The following NAT1 variants were observed in gnomAD, a reference collection of about 807,000 sequenced individuals.
The protein encoded by NAT1 is N-acetyltransferase 1.
For synonymous variants in NAT1, 144 were observed against 122.6 expected (o/e 1.17, Z -1.16); for missense variants, 400 against 339.2 (o/e 1.18, Z -1.41).
chr8:18,186,509 A>T (rs989854176), intron 2 of NAT1, among the ~76,000 whole-genome samples: 1 of 152,050 alleles, frequency 6.6e-6, no homozygotes, highest in Non-Finnish European at 1.5e-5. Flanking sequence ...AGTAGCATAT[A>T]GTTGTTTTTG....
chr8:18,189,474 A>G lies in NAT1; in HGVS notation n.92+18735A>G, dbSNP rs1802892111. Among the ~76,000 whole-genome samples the G allele has an allele frequency of 3.9e-5, 6 of 152,210 alleles. No individual in the cohort carries two copies. In the South Asian group the frequency reaches 1.2e-3, roughly 32 times the overall value. On this transcript the variant is annotated intron_variant and non_coding_transcript_variant, in intron 2 of 4. Transcript: ENST00000517441. ...TTTGAAAAAGCACGTGTAATAATATAATAAAAACGGTCACACAACATAGAG... is the reference window on the plus strand; with the variant it reads ...TTTGAAAAAGCACGTGTAATAATATGATAAAAACGGTCACACAACATAGAG...
intron 2 of NAT1, among the ~76,000 whole-genome samples, chr8:18,196,242 A>T (rs1803228544): frequency 6.6e-6 from 1 of 152,026 alleles, no homozygotes; most frequent in East Asian, 1.9e-4. Flanking sequence ...GAGCCACCAC[A>T]CCCAGCCAAC....
At chr8:18,218,014 G>A (rs955635379) in intron 1 of NAT1, among the ~76,000 whole-genome samples, 1 of 152,146 alleles carries the variant, frequency 6.6e-6, no homozygotes, top group Non-Finnish European at 1.5e-5. Flanking sequence ...TGTATTGACT[G>A]AGACCGTAAG....
chr8:18,196,366 C>T (rs1346147930), intron 2 of NAT1, among the ~76,000 whole-genome samples: 1 of 150,796 alleles, frequency 6.6e-6, no homozygotes, highest in Non-Finnish European at 1.5e-5. Flanking sequence ...AGGCATGAAG[C>T]ACAATGACAA....
intron 2 of NAT1, among the ~76,000 whole-genome samples, chr8:18,180,817 A>T (rs1204740745): frequency 6.6e-6 from 1 of 152,062 alleles, no homozygotes; most frequent in Non-Finnish European, 1.5e-5. Context: ...GGTGGCTGGG[A>T]ATAGTGGATT....
chr8:18,216,880 T>C (rs1265040234), intron 1 of NAT1: 4 of 1,540,956 alleles, frequency 2.6e-6, no homozygotes, highest in Middle Eastern at 1.7e-4. Context: ...TCAACAGACG[T>C]GTACAGAAGG....
rs183113568 is a variant in NAT1, at chr8:18,204,199, C to T, written n.93-5582C>T. Among the ~76,000 whole-genome samples the T allele has an allele frequency of 2.7e-3, 409 of 152,126 alleles. 2 individuals are homozygous for T. The highest frequency in any genetic ancestry group is 3.6e-3 in the Non-Finnish European group (245 of 68,016). On this transcript the variant is annotated intron_variant and non_coding_transcript_variant, in intron 2 of 4. Coordinates refer to the NAT1 transcript ENST00000517441. Reference sequence around the variant, plus strand: ...TCTCTCTCTCTCGCAAAGAGCTGCTCTCCCATATCCTTTTTCTGTCTATTA... The same window carrying T: ...TCTCTCTCTCTCGCAAAGAGCTGCTTTCCCATATCCTTTTTCTGTCTATTA...
chr8:18,175,334 C>T (rs960536471), intron 2 of NAT1, among the ~76,000 whole-genome samples: 14 of 152,166 alleles, frequency 9.2e-5, no homozygotes, highest in South Asian at 4.2e-4. Flanking sequence ...ACAGAGACTT[C>T]GTACCCTTTG....
intron 2 of NAT1, among the ~76,000 whole-genome samples, chr8:18,203,983 A>G (rs1244000129): frequency 1.3e-5 from 2 of 152,178 alleles, no homozygotes; most frequent in African/African-American, 4.8e-5. Context: ...GTGCCAATCA[A>G]CTGGAAAGTC....
At chr8:18,171,258 A>C (rs1401882013) in intron 2 of NAT1, among the ~76,000 whole-genome samples, 1 of 152,220 alleles carries the variant, frequency 6.6e-6, no homozygotes, top group African/African-American at 2.4e-5. Context: ...TAATTTGGAC[A>C]GAATTGTTTA....
chr8:18,210,562 A>T lies in NAT1; in HGVS notation c.-86+382A>T, dbSNP rs28359485. Among the ~76,000 whole-genome samples the T allele has an allele frequency of 1.7e-3, 258 of 152,320 alleles. 1 individual carries two copies. The highest frequency in any genetic ancestry group is 6.0e-3 in the African/African-American group (251 of 41,562). On this transcript the variant is annotated intron_variant, in intron 1 of 2. Coordinates refer to ENST00000307719, the MANE Select transcript of NAT1 (RefSeq NM_000662.8). ...CTAATGTGTTTAAGGCAACTTTCTC[A>T]ACAGGATTTCCCTCTTGGTTACTTG...
At chr8:18,192,005 A>C (rs940450471) in intron 2 of NAT1, among the ~76,000 whole-genome samples, 14 of 151,864 alleles carry the variant, frequency 9.2e-5, no homozygotes, top group Admixed American at 7.9e-4. Context: ...TAATTAAACT[A>C]AAGAGCTTCT....
At chr8:18,219,239 G>A (rs191377781) in intron 1 of NAT1, among the ~76,000 whole-genome samples, 172 bp from the exon 2 acceptor site, 2 of 152,146 alleles carry the variant, frequency 1.3e-5, no homozygotes, top group Non-Finnish European at 2.9e-5. Flanking sequence ...CATCTCCATA[G>A]TTGTAGTTTC....
At chr8:18,194,528 G>T (rs1803151168) in intron 2 of NAT1, among the ~76,000 whole-genome samples, 1 of 151,852 alleles carries the variant, frequency 6.6e-6, no homozygotes, top group Non-Finnish European at 1.5e-5. Context: ...TTGAGCAGGA[G>T]ACTTAAGGTT....
rs1456799398 is a variant in NAT1 at position 18,216,749 on chromosome 8, T to A, written c.-85-2662T>A. 1.9e-5 allele frequency: 11 copies of A among 573,050 alleles called. No individual in the cohort carries two copies. The East Asian group carries it at 2.7e-4, about 14-fold the overall frequency. 35.5% of individuals were successfully genotyped at this position (573,050 alleles called of 1,614,324 possible). A position where few individuals can be genotyped will look rare whatever the true frequency, so the allele number is the denominator to read the frequency against. On this transcript the variant is annotated intron_variant, in intron 1 of 2. Coordinates refer to ENST00000307719, the MANE Select transcript of NAT1 (RefSeq NM_000662.8). The stretch of plus-strand genomic sequence containing the variant: ...TATTGGGAGAAGATAAAAGCAAAAT[T>A]TCGTAAGAGGCTAAGCAGTTGACAG...
In NAT1 at chr8:18,213,334, T is replaced by C. The variant is rs183061962; in HGVS notation, c.-86+3154T>C. Among the ~76,000 whole-genome samples the C allele has an allele frequency of 3.9e-4, 59 of 152,280 alleles. 1 individual carries two copies. In the East Asian group the frequency reaches 0.01, roughly 27 times the overall value. On this transcript the variant is annotated intron_variant, in intron 1 of 2. Transcript: ENST00000307719. ...ATTACCTTCAACTGCTACCTCTCCT[T>C]ATTTTATTATACCTAGATACATCTT...
At chr8:18,193,043 G>C (rs1234919137) in intron 2 of NAT1, among the ~76,000 whole-genome samples, 1 of 146,576 alleles carries the variant, frequency 6.8e-6, no homozygotes, top group African/African-American at 2.5e-5. Context: ...AGATTTTCCA[G>C]ATGTTAAGAT....
chr8:18,187,803 T>A (rs1379318147), intron 2 of NAT1, among the ~76,000 whole-genome samples: 1 of 152,078 alleles, frequency 6.6e-6, no homozygotes, highest in Non-Finnish European at 1.5e-5. Context: ...CAAACCCGTG[T>A]GACATGAGTT....
In NAT1 at chr8:18,198,165, C is replaced by CA. The variant is rs56736318; in HGVS notation, n.93-11607dup. 5.3e-5 allele frequency among the ~76,000 whole-genome samples: 8 copies of CA among 151,708 alleles called. No homozygotes were observed. In the East Asian group the frequency reaches 7.8e-4, roughly 15 times the overall value. ...AACAGCAGAGACTTTCCAATCTAGG[C>CA]AAAAAAAAATCTGCTTTTCTTCCTC... is the stretch of plus-strand genomic sequence containing the variant. On this transcript the variant is annotated intron_variant and non_coding_transcript_variant, in intron 2 of 4. Transcript: ENST00000517441.
Sources: allele counts gnomAD v4.1 joint callset (sites outside exome capture counted in the v4.1 genomes callset), GRCh38; gene constraint gnomAD v4.1.1; transcripts MANE v1.5; gene names NCBI Gene and HGNC (gene_info 2026-07-23, HGNC 2026-07-21).